Variants in C12orf42 observed in about 807,000 individuals in gnomAD.
The protein encoded by C12orf42 is chromosome 12 open reading frame 42.
Under a neutral mutation model 21.6 loss-of-function variants are expected in C12orf42, and 25 were observed. That is an observed-to-expected ratio of 1.16 (90% CI 0.84 to 1.62). The LOEUF (loss-of-function observed/expected upper bound fraction) is 1.62. Ranked by LOEUF, C12orf42 falls within the 40% of genes most tolerant of loss-of-function variation. The pLI is 0.00. For missense variants in C12orf42, 483 were observed against 459.3 expected (o/e 1.05, Z -0.47); for synonymous variants, 174 against 175.0 (o/e 0.99, Z 0.05).
the C12orf42 span, among the ~76,000 whole-genome samples, chr12:103,064,677 A>G: frequency 1.3e-5 from 2 of 152,314 alleles, no homozygotes. Context: ...CCAACAATTT[A>G]TGCTGTTAAT....
At chr12:103,134,463 G>A in the C12orf42 span, among the ~76,000 whole-genome samples, 5 of 151,538 alleles carry the variant, frequency 3.3e-5, no homozygotes, top group African/African-American at 4.8e-5. Flanking sequence ...TTCATTAAAC[G>A]AAATACAAAA....
At chr12:103,148,556 G>A in the C12orf42 span, among the ~76,000 whole-genome samples, 1 of 152,132 alleles carries the variant, frequency 6.6e-6, no homozygotes, top group African/African-American at 2.4e-5. Flanking sequence ...CATGGAGTGA[G>A]CAGATGCTAA....
At chr12:103,240,153 GTGCTAGGCACTAA>G in intron 10 of C12orf42, among the ~76,000 whole-genome samples, 1 of 152,212 alleles carries the variant, frequency 6.6e-6, no homozygotes, top group Non-Finnish European at 1.5e-5. Context: ...GTGTTACCAT[GTGCTAGGCACTAA>G]GATAAATCTT....
chr12:103,345,696 A>G (rs1265061079), intron 4 of C12orf42, among the ~76,000 whole-genome samples: 10 of 152,218 alleles, frequency 6.6e-5, no homozygotes, highest in Non-Finnish European at 2.9e-5. Context: ...AAATAAATAA[A>G]TAAAAGCAAC....
the C12orf42 span, among the ~76,000 whole-genome samples, chr12:103,220,541 T>G: frequency 3.5e-4 from 54 of 152,316 alleles, no homozygotes; most frequent in Middle Eastern, 3.4e-3. Flanking sequence ...GGTGGAAGCT[T>G]CAGTTCAATA....
chr12:103,103,073 G>A, the C12orf42 span, among the ~76,000 whole-genome samples: 3 of 152,124 alleles, frequency 2.0e-5, no homozygotes, highest in East Asian at 5.8e-4. Context: ...AGTATGCTAA[G>A]ACAGTCTTAG....
chr12:103,536,554 G>A, the C12orf42 span, among the ~76,000 whole-genome samples: 1 of 152,164 alleles, frequency 6.6e-6, no homozygotes, highest in Admixed American at 6.5e-5. Flanking sequence ...TAAGGAGTAA[G>A]ACATTGGCAA....
the C12orf42 span, among the ~76,000 whole-genome samples, chr12:103,093,716 TCA>T: frequency 6.6e-6 from 1 of 152,192 alleles, no homozygotes; most frequent in African/African-American, 2.4e-5. Flanking sequence ...AAGCCAGTGT[TCA>T]CTGCTCACAG....
the C12orf42 span, among the ~76,000 whole-genome samples, chr12:103,080,154 G>A: frequency 6.6e-6 from 1 of 152,106 alleles, no homozygotes; most frequent in East Asian, 1.9e-4. Flanking sequence ...TTCTGATATG[G>A]CTGTGGTGGC....
intron 2 of C12orf42, among the ~76,000 whole-genome samples, chr12:103,411,892 G>A (rs145571963): frequency 4.7e-4 from 72 of 152,298 alleles, no homozygotes; most frequent in African/African-American, 1.5e-3. Flanking sequence ...GAGGGAGACA[G>A]GCAGAGAGAA....
At chr12:103,246,584 C>A (rs1225189433) in intron 10 of C12orf42, among the ~76,000 whole-genome samples, 1 of 151,940 alleles carries the variant, frequency 6.6e-6, no homozygotes, top group Non-Finnish European at 1.5e-5. Context: ...CCCTTGGAAC[C>A]TAAACATTCC....
At chr12:103,192,285 A>G in the C12orf42 span, among the ~76,000 whole-genome samples, 4 of 152,110 alleles carry the variant, frequency 2.6e-5, no homozygotes, top group Non-Finnish European at 4.4e-5. Context: ...TGGGCCGATC[A>G]TGAGGTCAAG....
At chr12:103,371,205 C>A (rs2045197837) in intron 3 of C12orf42, among the ~76,000 whole-genome samples, 1 of 152,108 alleles carries the variant, frequency 6.6e-6, no homozygotes, top group African/African-American at 2.4e-5. Context: ...CTATCACTCA[C>A]CCAACTCTAC....
intron 1 of C12orf42, among the ~76,000 whole-genome samples, chr12:103,488,020 C>G (rs1042150765): frequency 2.6e-5 from 4 of 152,124 alleles, no homozygotes; most frequent in African/African-American, 9.7e-5. Flanking sequence ...GGTTATTTTG[C>G]CCATTAATTG....
chr12:103,332,386 A>T (rs1473922639), intron 4 of C12orf42, among the ~76,000 whole-genome samples: 1 of 152,222 alleles, frequency 6.6e-6, no homozygotes, highest in Non-Finnish European at 1.5e-5. Context: ...CCAATTTCTT[A>T]GACAGTGAAG....
At chr12:103,389,824 T>G (rs2046920863) in intron 3 of C12orf42, among the ~76,000 whole-genome samples, 1 of 152,202 alleles carries the variant, frequency 6.6e-6, no homozygotes, top group South Asian at 2.1e-4. Flanking sequence ...ATGCGTTGTG[T>G]CAGCGACTCT....
chr12:103,563,206 C>T, the C12orf42 span, among the ~76,000 whole-genome samples: 1 of 152,158 alleles, frequency 6.6e-6, no homozygotes, highest in African/African-American at 2.4e-5. Context: ...CTAAGTGCAT[C>T]TCCAGGACTC....
the C12orf42 span, among the ~76,000 whole-genome samples, chr12:103,156,479 A>G: frequency 6.6e-6 from 1 of 152,200 alleles, no homozygotes; most frequent in Non-Finnish European, 1.5e-5. Context: ...AATTATGTGA[A>G]TAAATATTAC....
At chr12:103,388,197 C>G (rs1219438834) in intron 3 of C12orf42, among the ~76,000 whole-genome samples, 1 of 152,190 alleles carries the variant, frequency 6.6e-6, no homozygotes, top group Non-Finnish European at 1.5e-5. Flanking sequence ...TGAGTGCCAT[C>G]TGCTAGGCCA....
Sources: gnomAD v4.1 joint callset for allele counts (sites outside exome capture counted in the v4.1 genomes callset) on GRCh38, gnomAD v4.1.1 for gene constraint, MANE v1.5 for transcripts, NCBI Gene and HGNC (gene_info 2026-07-23, HGNC 2026-07-21) for gene names.